Variants in LINGO2 observed in about 807,000 individuals in gnomAD.
The protein encoded by LINGO2 is leucine-rich repeat and immunoglobulin-like domain-containing nogo receptor-interacting protein 2.
LINGO2 carries 14 observed loss-of-function variants against 30.6 expected under a neutral mutation model. The ratio of observed to expected loss-of-function variants is 0.46; its 90% confidence interval spans 0.30 to 0.72. The LOEUF (loss-of-function observed/expected upper bound fraction) is 0.72, where lower values mean the gene tolerates loss of function less well. Among genes scored for constraint, LINGO2 ranks in the 30% least tolerant of loss-of-function variants. The pLI is 0.07. For missense variants in LINGO2, 729 were observed against 751.7 expected, an observed-to-expected ratio of 0.97 and a Z score of 0.35; for synonymous variants, 317 against 288.5, an observed-to-expected ratio of 1.10 and a Z score of -1.00.
chr9:28,187,815 A>G (rs1024915836), intron 4 of LINGO2, among the ~76,000 whole-genome samples: 5 of 152,204 alleles, frequency 3.3e-5, no homozygotes, highest in Admixed American at 6.5e-5. Flanking sequence ...TGATAACGTG[A>G]TCTCTAAGGC....
the LINGO2 span, among the ~76,000 whole-genome samples, chr9:29,019,132 C>T: frequency 6.6e-6 from 1 of 152,042 alleles, no homozygotes; most frequent in African/African-American, 2.4e-5. Flanking sequence ...TAATCTGATA[C>T]TCTGCTCCAT....
the LINGO2 span, among the ~76,000 whole-genome samples, chr9:28,864,870 T>A: frequency 1.3e-5 from 2 of 152,160 alleles, no homozygotes; most frequent in Admixed American, 6.6e-5. Flanking sequence ...CTTGGTTAGA[T>A]GCTGGGGATA....
exon 6 of LINGO2, chr9:27,948,347 A>G (rs192296681): frequency 2.6e-5 from 4 of 154,212 alleles, no homozygotes; most frequent in African/African-American, 9.6e-5. Context: ...ATATGTTTCA[A>G]AAAAGGAAGA....
the LINGO2 span, among the ~76,000 whole-genome samples, chr9:29,203,126 A>C: frequency 1.3e-5 from 2 of 152,132 alleles, no homozygotes; most frequent in Non-Finnish European, 2.9e-5. Flanking sequence ...AAAATAAGGT[A>C]AGATCAGGAA....
At chr9:28,390,003 A>C (rs1022519285) in intron 2 of LINGO2, among the ~76,000 whole-genome samples, 2 of 152,170 alleles carry the variant, frequency 1.3e-5, no homozygotes, top group Non-Finnish European at 2.9e-5. Context: ...AATTGCCCTT[A>C]AAGAGCCATT....
At chr9:28,837,040 T>C in the LINGO2 span, among the ~76,000 whole-genome samples, 24 of 152,328 alleles carry the variant, frequency 1.6e-4, no homozygotes, top group East Asian at 1.5e-3. Context: ...AAAAATGTCC[T>C]TTGTACAGTT....
the LINGO2 span, among the ~76,000 whole-genome samples, chr9:29,070,499 C>T: frequency 6.6e-6 from 1 of 152,088 alleles, no homozygotes; most frequent in Non-Finnish European, 1.5e-5. Context: ...TGAAGTGAAT[C>T]AGTGCAGTTA....
chr9:29,072,557 C>G, the LINGO2 span, among the ~76,000 whole-genome samples: 1 of 147,958 alleles, frequency 6.8e-6, no homozygotes, highest in South Asian at 2.1e-4. Flanking sequence ...ATAATATACA[C>G]AAATATCTCA....
intron 3 of LINGO2, among the ~76,000 whole-genome samples, chr9:28,354,540 A>C (rs1820081190): frequency 1.3e-5 from 2 of 152,196 alleles, no homozygotes; most frequent in Non-Finnish European, 2.9e-5. Flanking sequence ...AAACAGTAGG[A>C]GTTAAGGTGA....
At chr9:29,112,995 G>T in the LINGO2 span, among the ~76,000 whole-genome samples, 4 of 152,282 alleles carry the variant, frequency 2.6e-5, no homozygotes, top group South Asian at 8.3e-4. Context: ...TAAAGGATTA[G>T]AATTTGAAGG....
intron 3 of LINGO2, among the ~76,000 whole-genome samples, chr9:28,330,883 A>T (rs1825394711): frequency 6.6e-6 from 1 of 152,196 alleles, no homozygotes; most frequent in South Asian, 2.1e-4. Context: ...GAAATTTCGT[A>T]ATTCATTCTG....
chr9:29,174,480 T>A, the LINGO2 span, among the ~76,000 whole-genome samples: 2 of 152,250 alleles, frequency 1.3e-5, no homozygotes, highest in Non-Finnish European at 2.9e-5. Context: ...CATTTCATGC[T>A]ACGTCCTAGG....
At chr9:28,766,450 A>C in the LINGO2 span, among the ~76,000 whole-genome samples, 1 of 151,550 alleles carries the variant, frequency 6.6e-6, no homozygotes, top group African/African-American at 2.4e-5. Flanking sequence ...ATGTGAAGAA[A>C]AAAAAAAACC....
chr9:27,972,076 C>G (rs1430878347), intron 5 of LINGO2, among the ~76,000 whole-genome samples: 1 of 151,802 alleles, frequency 6.6e-6, no homozygotes, highest in Non-Finnish European at 1.5e-5. Flanking sequence ...GCAATGGAAC[C>G]AAAGTCACAA....
the LINGO2 span, among the ~76,000 whole-genome samples, chr9:28,712,879 A>T: frequency 1.3e-5 from 2 of 151,846 alleles, no homozygotes; most frequent in African/African-American, 4.8e-5. Flanking sequence ...TTATTCATTT[A>T]TTTTTTTATG....
the LINGO2 span, among the ~76,000 whole-genome samples, chr9:29,101,963 A>G: frequency 2.6e-5 from 4 of 152,144 alleles, no homozygotes; most frequent in African/African-American, 9.7e-5. Context: ...TGTATCAAAA[A>G]TATTTTTTGG....
chr9:28,897,659 C>T, the LINGO2 span, among the ~76,000 whole-genome samples: 2 of 151,980 alleles, frequency 1.3e-5, no homozygotes, highest in Non-Finnish European at 2.9e-5. Flanking sequence ...TGCCTAATTT[C>T]CTCTCCTGTA....
chr9:28,864,008 A>T, the LINGO2 span, among the ~76,000 whole-genome samples: 1 of 152,176 alleles, frequency 6.6e-6, no homozygotes, highest in African/African-American at 2.4e-5. Flanking sequence ...TCATCAAAAT[A>T]AAAGGGCATG....
chr9:28,957,388 G>C, the LINGO2 span, among the ~76,000 whole-genome samples: 5 of 152,172 alleles, frequency 3.3e-5, no homozygotes, highest in Non-Finnish European at 7.3e-5. Flanking sequence ...AGAATTAGGA[G>C]TCTTTACCTT....
Sources: gnomAD v4.1 joint callset for allele counts (sites outside exome capture counted in the v4.1 genomes callset) on GRCh38, gnomAD v4.1.1 for gene constraint, MANE v1.5 for transcripts, NCBI Gene and HGNC (gene_info 2026-07-23, HGNC 2026-07-21) for gene names.